The following DAG1 variants were observed in gnomAD, a reference collection of about 807,000 sequenced individuals.
The protein encoded by DAG1 is dystroglycan 1, also known as dystroglycan 1 (dystrophin-associated glycoprotein 1).
In DAG1, 8 loss-of-function variants were observed where a neutral mutation model predicts 46.1. The ratio of observed to expected loss-of-function variants is 0.17; its 90% CI spans 0.10 to 0.31. The LOEUF is 0.31. Among genes scored for constraint, DAG1 ranks in the 10% least tolerant of loss-of-function variants. DAG1 has a pLI of 1.00. For missense variants in DAG1, 1,003 were observed against 1,189.9 expected (o/e 0.84, Z 2.31); for synonymous variants, 495 against 481.8 (o/e 1.03, Z -0.36).
intron 1 of DAG1, among the ~76,000 whole-genome samples, chr3:49,475,339 A>G (rs2049651148): frequency 6.7e-6 from 1 of 148,928 alleles, no homozygotes; most frequent in Non-Finnish European, 1.5e-5. Flanking sequence ...CCCGACCTCA[A>G]GTGATCCGCC....
chr3:49,471,259 G>A (rs543159563), intron 1 of DAG1, among the ~76,000 whole-genome samples: 155 of 152,284 alleles, frequency 1.0e-3, no homozygotes, highest in Non-Finnish European at 2.0e-3. Flanking sequence ...CCCTAAATAA[G>A]CGAGTAGAAG....
intron 1 of DAG1, among the ~76,000 whole-genome samples, chr3:49,477,723 A>G (rs1462538355): frequency 2.0e-5 from 3 of 152,188 alleles, no homozygotes; most frequent in South Asian, 4.1e-4. Context: ...GCACTTTGGG[A>G]GGCCGATGTG....
rs541212746 is a variant in DAG1, at chr3:49,492,146, C to T, written c.-116-18273C>T. 5.7e-4 allele frequency among the ~76,000 whole-genome samples: 86 copies of T among 151,622 alleles called. 1 individual carries two copies. In the South Asian group the frequency reaches 0.017, roughly 30 times the overall value. On this transcript the variant is annotated intron_variant, in intron 1 of 2. Coordinates refer to ENST00000308775, the MANE Select transcript of DAG1 (RefSeq NM_004393.6). ...TTCACCATGTTGGTCAGGCTGTTCT[C>T]GAACTCCTGGCCTTGTGATCTGCCT...
intron 2 of DAG1, among the ~76,000 whole-genome samples, chr3:49,527,606 G>A (rs941912714): frequency 3.9e-5 from 6 of 152,088 alleles, no homozygotes; most frequent in Non-Finnish European, 7.4e-5. Context: ...GGGAGGCTGA[G>A]GCAGGAGAAT....
intron 1 of DAG1, among the ~76,000 whole-genome samples, chr3:49,505,001 T>C (rs2107580730): frequency 6.7e-6 from 1 of 150,346 alleles, no homozygotes; most frequent in South Asian, 2.1e-4. Context: ...TTAAAATTAC[T>C]ATTGTTATTT....
chr3:49,473,723 C>T (rs1007197308), intron 1 of DAG1, among the ~76,000 whole-genome samples: 2 of 151,760 alleles, frequency 1.3e-5, no homozygotes, highest in Non-Finnish European at 2.9e-5. Flanking sequence ...GCTGGGATCA[C>T]AGGCACTTGC....
chr3:49,492,611 C>G (rs2050218058), intron 1 of DAG1: 1 of 152,192 alleles, frequency 6.6e-6, no homozygotes, highest in African/African-American at 2.4e-5. Flanking sequence ...CGTGTCATTG[C>G]ACTCCAGCCC....
chr3:49,515,470 T>A (rs1426998413), intron 2 of DAG1, among the ~76,000 whole-genome samples: 2 of 147,868 alleles, frequency 1.4e-5, no homozygotes. Flanking sequence ...CACTGCAGCC[T>A]CCACCTCCTA....
At chr3:49,511,984 G>A (rs1575388549) in intron 2 of DAG1, among the ~76,000 whole-genome samples, 1 of 152,158 alleles carries the variant, frequency 6.6e-6, no homozygotes, top group African/African-American at 2.4e-5. Flanking sequence ...GTCCCATTCT[G>A]ACTTGAAACA....
intron 2 of DAG1, among the ~76,000 whole-genome samples, chr3:49,519,588 C>G (rs1395936764): frequency 2.0e-5 from 3 of 152,148 alleles, no homozygotes; most frequent in African/African-American, 4.8e-5. Context: ...AGTGGGTGTT[C>G]CGCATTTCTG....
At chr3:49,493,680 C>G (rs2050243585) in intron 1 of DAG1, among the ~76,000 whole-genome samples, 2 of 152,216 alleles carry the variant, frequency 1.3e-5, no homozygotes, top group South Asian at 2.1e-4. Context: ...TGGTCTTTAA[C>G]AAGCAGCCCA....
At chr3:49,491,270 G>A (rs544957886) in intron 1 of DAG1, among the ~76,000 whole-genome samples, 186 of 148,866 alleles carry the variant, frequency 1.2e-3, no homozygotes, top group African/African-American at 4.4e-3. Flanking sequence ...TCAGCCTCCC[G>A]AAATGCTGGG....
At chr3:49,485,010 G>A (rs891215820) in intron 1 of DAG1, among the ~76,000 whole-genome samples, 1 of 151,890 alleles carries the variant, frequency 6.6e-6, no homozygotes, top group South Asian at 2.1e-4. Flanking sequence ...TATTTGAGAC[G>A]GAGTCTCGCT....
chr3:49,507,121 C>T lies in DAG1; in HGVS notation c.-116-3298C>T, dbSNP rs561011625. ...ATTCCAGAACTTTGGGAGTCCAAGG[C>T]GGGTGGATCACTTGAGGTCAGGAGT... On this transcript the variant is annotated intron_variant, in intron 1 of 2. Coordinates refer to ENST00000308775, the MANE Select transcript of DAG1 (RefSeq NM_004393.6). 2.9e-3 allele frequency among the ~76,000 whole-genome samples: 441 copies of T among 152,030 alleles called. 2 individuals carry two copies. The highest frequency in any genetic ancestry group is 5.4e-3 in the Non-Finnish European group (366 of 67,986).
intron 1 of DAG1, among the ~76,000 whole-genome samples, chr3:49,486,844 A>G (rs2050046753): frequency 6.6e-6 from 1 of 152,096 alleles, no homozygotes; most frequent in South Asian, 2.1e-4. Context: ...GTATATACCT[A>G]AGAGTGAACT....
chr3:49,513,834 C>T (rs926352939), intron 2 of DAG1, among the ~76,000 whole-genome samples: 8 of 152,160 alleles, frequency 5.3e-5, no homozygotes. Context: ...AGAGTGGTGG[C>T]TCTGGAAGGT....
intron 2 of DAG1, among the ~76,000 whole-genome samples, chr3:49,512,085 GCAGTGGTACA>G (rs2107660800): frequency 6.6e-6 from 1 of 152,052 alleles, no homozygotes; most frequent in African/African-American, 2.4e-5. Flanking sequence ...AGGCTGGAGT[GCAGTGGTACA>G]GCCATGGCTC....
Position 49,532,476 on chromosome 3 carries a change from C to A in DAG1, c.1965C>A (p.Ile655=). 1.2e-6 allele frequency: 2 copies of A among 1,614,212 alleles called. No homozygotes were observed. The highest frequency in any genetic ancestry group is 1.7e-6 in the Non-Finnish European group (2 of 1,180,034). The stretch of plus-strand genomic sequence containing the variant: ...TGCAGAATATCACCCGGGGCTCCAT[C>A]GTGGTGGAATGGACCAACAACACAC... The part of the protein sequence containing the change: ...ITLQNITRGS[I]VVEWTNNTLP... Residue 655 remains isoleucine (I), a synonymous_variant, in exon 3 of 3, where the codon ATC becomes ATA. Transcript: ENST00000308775. The surrounding 1 kb of genome is among the most constrained non-coding windows in gnomAD (Gnocchi z 5.4).
chr3:49,525,149 A>G (rs1220156549), intron 2 of DAG1, among the ~76,000 whole-genome samples: 4 of 151,770 alleles, frequency 2.6e-5, no homozygotes, highest in African/African-American at 9.7e-5. Flanking sequence ...GGGGTTTTAG[A>G]ACATTCAGGT....
Sources: gnomAD v4.1 joint callset for allele counts (sites outside exome capture counted in the v4.1 genomes callset) on GRCh38, gnomAD v4.1.1 for gene constraint, Gnocchi (gnomAD v3.1) non-coding constraint, MANE v1.5 for transcripts, NCBI Gene and HGNC (gene_info 2026-07-23, HGNC 2026-07-21) for gene names.